Variants in PIK3CB observed in about 807,000 individuals in gnomAD.
PIK3CB encodes phosphatidylinositol-4,5-bisphosphate 3-kinase catalytic subunit beta.
In PIK3CB, 39 loss-of-function variants were observed where a neutral mutation model predicts 136.8. The observed-to-expected ratio is 0.29, with a 90% confidence interval of 0.22 to 0.37. The LOEUF (loss-of-function observed/expected upper bound fraction) is 0.37, where lower values mean the gene tolerates loss of function less well. PIK3CB is among the 10% of genes least tolerant of loss of function. The pLI is 1.00. For missense variants in PIK3CB, 868 were observed against 1,275.4 expected, an observed-to-expected ratio of 0.68 and a Z score of 4.87; for synonymous variants, 428 against 436.6, an observed-to-expected ratio of 0.98 and a Z score of 0.25.
chr3:138,746,378 C>T (rs1057403046), intron 4 of PIK3CB, among the ~76,000 whole-genome samples: 4 of 151,870 alleles, frequency 2.6e-5, no homozygotes, highest in Admixed American at 6.6e-5. Context: ...ATTGTCAAAT[C>T]GGCCGGGCAC....
chr3:138,781,609 C>T (rs1053165635), intron 2 of PIK3CB, among the ~76,000 whole-genome samples: 1 of 152,098 alleles, frequency 6.6e-6, no homozygotes, highest in African/African-American at 2.4e-5. Context: ...CCCACCACCA[C>T]GCCTGGCTAA....
intron 2 of PIK3CB, among the ~76,000 whole-genome samples, chr3:138,791,100 C>A (rs2046043004): frequency 1.3e-5 from 2 of 152,020 alleles, no homozygotes; most frequent in South Asian, 4.2e-4. Context: ...TTATTGTACA[C>A]CCTCTTCTCT....
intron 6 of PIK3CB, among the ~76,000 whole-genome samples, chr3:138,735,963 C>G (rs1463854622): frequency 2.0e-5 from 3 of 152,176 alleles, no homozygotes; most frequent in Non-Finnish European, 2.9e-5. Flanking sequence ...TATATTCTCT[C>G]TCTCTCTCTC....
intron 1 of PIK3CB, among the ~76,000 whole-genome samples, chr3:138,807,954 G>A (rs956568286): frequency 2.6e-5 from 4 of 151,030 alleles, no homozygotes; most frequent in African/African-American, 9.7e-5. Flanking sequence ...AGCTCACACT[G>A]ACCTTGATCT....
intron 9 of PIK3CB, among the ~76,000 whole-genome samples, chr3:138,714,038 C>G (rs1267046340): frequency 1.3e-5 from 2 of 152,110 alleles, no homozygotes; most frequent in Non-Finnish European, 2.9e-5. Flanking sequence ...CCAGACCCCA[C>G]AAGATATGTT....
chr3:138,664,533 C>T (rs1202547874), intron 20 of PIK3CB, among the ~76,000 whole-genome samples: 1 of 152,128 alleles, frequency 6.6e-6, no homozygotes, highest in East Asian at 1.9e-4. Flanking sequence ...TACAAGTTCT[C>T]GATAAAATGT....
At chr3:138,712,437 G>T in intron 9 of PIK3CB, 133 bp from the exon 10 acceptor site, 1 of 443,504 alleles carries the variant, frequency 2.3e-6, no homozygotes, top group Non-Finnish European at 4.0e-6. Flanking sequence ...TCTAAAATGA[G>T]AACAAGATAT....
At position 138,827,398 on chromosome 3, in the gene PIK3CB, T is replaced by C. The variant is rs188513743; in HGVS notation, c.-122+7297A>G. On this transcript the variant is annotated intron_variant, in intron 1 of 23. Coordinates refer to ENST00000674063, the MANE Select transcript of PIK3CB (RefSeq NM_006219.3). ...GGCTGGGTTCAGTGGCTCTAGCCTG[T>C]AATCAGAGCACTTTGGGAGGCCAAG... is the stretch of plus-strand genomic sequence containing the variant. Among the ~76,000 whole-genome samples, 114 of 152,026 alleles carry C rather than the reference T, an allele frequency of 7.5e-4. 1 individual carries two copies. The highest frequency in any genetic ancestry group is 6.9e-3 in the Middle Eastern group (2 of 290).
intron 8 of PIK3CB, among the ~76,000 whole-genome samples, chr3:138,715,225 T>C (rs999832260): frequency 6.6e-6 from 1 of 152,244 alleles, no homozygotes; most frequent in African/African-American, 2.4e-5. Flanking sequence ...AGATATTCCA[T>C]CCATATCTTG....
Position 138,696,331 on chromosome 3 carries a change from C to T in PIK3CB, c.1771-1424G>A, listed in dbSNP as rs377027361. Reference sequence around the variant, plus strand: ...CTGAGTAGCTAGGACTACAGGAACACGCCACCATGCCCAGCTAATTTTATT... The same window carrying T: ...CTGAGTAGCTAGGACTACAGGAACATGCCACCATGCCCAGCTAATTTTATT... On this transcript the variant is annotated intron_variant, in intron 13 of 23. Transcript: ENST00000674063. Among the ~76,000 whole-genome samples, 312 of 150,324 alleles carry T rather than the reference C, an allele frequency of 2.1e-3. 1 individual carries two copies. Among genetic ancestry groups the T allele is most frequent in the African/African-American group, 7.2e-3 (294 of 40,904 alleles).
At chr3:138,677,123 C>T (rs2043664520) in intron 19 of PIK3CB, among the ~76,000 whole-genome samples, 1 of 150,396 alleles carries the variant, frequency 6.6e-6, no homozygotes, top group Non-Finnish European at 1.5e-5. Context: ...GCAATGGTGC[C>T]ATCTCCGCTC....
rs2045723203 is a variant in PIK3CB, at chr3:138,765,632, CAT to C, written c.-16-6275_-16-6274del. 2.1e-5 allele frequency among the ~76,000 whole-genome samples: 3 copies of C among 145,910 alleles called. No homozygotes were observed. The Admixed American group carries it at 2.1e-4, about 10-fold the overall frequency. ...CTGAGGTGGGGGGATCACTTGAGCA[CAT>C]GAGTTCAAGACCATCCTGGACAACA... On this transcript the variant is annotated intron_variant, in intron 2 of 23. Transcript: ENST00000674063.
At chr3:138,688,774 A>T (rs2043948418) in intron 16 of PIK3CB, 101 bp downstream of exon 16, 1 of 684,458 alleles carries the variant, frequency 1.5e-6, no homozygotes, top group Non-Finnish European at 2.6e-6. Flanking sequence ...ATCAAACACC[A>T]AGTACCAAAT....
At chr3:138,748,893 C>T (rs1410969351) in intron 4 of PIK3CB, among the ~76,000 whole-genome samples, 1 of 152,188 alleles carries the variant, frequency 6.6e-6, no homozygotes, top group Non-Finnish European at 1.5e-5. Context: ...ACTATTTGAA[C>T]ATATGCATGT....
At chr3:138,724,403 T>C (rs1273186167) in intron 8 of PIK3CB, among the ~76,000 whole-genome samples, 4 of 152,184 alleles carry the variant, frequency 2.6e-5, no homozygotes, top group East Asian at 3.9e-4. Context: ...CATGTGGATA[T>C]ATTCACTAAC....
chr3:138,759,271 C>A lies in PIK3CB; in HGVS notation c.73G>T (p.Ala25Ser), dbSNP rs374448453. ...TCCACAGGTATGGAGCCATCAGATGCTATCTGTGAATCCACCGCCCAGATG... is the reference window on the plus strand; with the variant it reads ...TCCACAGGTATGGAGCCATCAGATGATATCTGTGAATCCACCGCCCAGATG... ...LDIWAVDSQI[A>S]SDGSIPVDFL... The change falls in exon 3 of 24, where the codon GCA becomes TCA. Residue 25 changes from alanine (A) to serine (S), a missense_variant. Physicochemically the swap from Ala to Ser is moderately conservative, Grantham distance 99. Transcript: ENST00000674063. 1 of 1,613,196 alleles carries A rather than the reference C, an allele frequency of 6.2e-7. No homozygotes were observed. Among genetic ancestry groups the A allele is most frequent in the Non-Finnish European group, 8.5e-7 (1 of 1,179,262 alleles).
intron 1 of PIK3CB, among the ~76,000 whole-genome samples, chr3:138,823,405 G>GAA (rs1030742306): frequency 7.0e-6 from 1 of 142,814 alleles, no homozygotes; most frequent in Non-Finnish European, 1.5e-5. Flanking sequence ...ACTGGCTACA[G>GAA]AAAAAAAAAA....
intron 1 of PIK3CB, among the ~76,000 whole-genome samples, chr3:138,804,624 T>C (rs2046211313): frequency 6.6e-6 from 1 of 152,204 alleles, no homozygotes; most frequent in African/African-American, 2.4e-5. Context: ...AAAATCGCTG[T>C]AAAATAAGCT....
intron 2 of PIK3CB, among the ~76,000 whole-genome samples, chr3:138,779,961 T>A (rs976289308): frequency 6.7e-6 from 1 of 150,324 alleles, no homozygotes; most frequent in African/African-American, 2.4e-5. Context: ...CACTGAGAAC[T>A]TTTTTTTTTC....
Sources: allele counts gnomAD v4.1 joint callset (sites outside exome capture counted in the v4.1 genomes callset), GRCh38; gene constraint gnomAD v4.1.1; transcripts MANE v1.5; gene names NCBI Gene and HGNC (gene_info 2026-07-23, HGNC 2026-07-21).